LRRC37A2: variants seen among roughly 807,000 people sequenced by gnomAD.
LRRC37A2 encodes leucine-rich repeat-containing protein 37A2.
Under a neutral mutation model 68.8 loss-of-function variants are expected in LRRC37A2, and 9 were observed. That is an observed-to-expected ratio of 0.13 (90% confidence interval 0.08 to 0.23). LRRC37A2 has a LOEUF of 0.23. Among genes scored for constraint, LRRC37A2 ranks in the 10% least tolerant of loss-of-function variants. The pLI is 1.00. For synonymous variants in LRRC37A2, 63 were observed against 367.6 expected (o/e 0.17, Z 9.48); for missense variants, 168 against 950.4 (o/e 0.18, Z 10.82).
the LRRC37A2 span, among the ~76,000 whole-genome samples, chr17:46,485,996 A>AC: frequency 1.3e-5 from 1 of 79,288 alleles, no homozygotes; most frequent in African/African-American, 3.8e-5. Context: ...AAAAAAAAAA[A>AC]ACAGAAAACC....
chr17:46,841,049 G>A, the LRRC37A2 span, among the ~76,000 whole-genome samples: 840 of 152,288 alleles, frequency 5.5e-3, 13 homozygotes, highest in African/African-American at 0.019. Context: ...ACTTCCAACA[G>A]GAGGCAGAGG....
At chr17:46,896,356 A>AGAGAGAGAGAG in the LRRC37A2 span, among the ~76,000 whole-genome samples, 2 of 147,640 alleles carry the variant, frequency 1.4e-5, no homozygotes, top group East Asian at 1.9e-4. Flanking sequence ...AAAGAAAGAA[A>AGAGAGAGAGAG]AAGAAAGAAA....
the LRRC37A2 span, among the ~76,000 whole-genome samples, chr17:46,626,149 C>T: frequency 7.7e-6 from 1 of 129,864 alleles, no homozygotes; most frequent in Admixed American, 8.0e-5. Flanking sequence ...TTGTTTTAGC[C>T]TGTTGAGAGA....
chr17:46,851,800 C>T, the LRRC37A2 span: 3 of 704,570 alleles, frequency 4.3e-6, no homozygotes, highest in Non-Finnish European at 4.0e-6. This position sits in a 1 kb window ranked among gnomAD's most constrained non-coding sequence, Gnocchi z 4.3. Context: ...TTTTCCCTCC[C>T]GCTGTCCTTG....
chr17:46,550,649 G>A (rs2056686548), intron 11 of LRRC37A2, 130 bp downstream of exon 10: 1 of 681,098 alleles, frequency 1.5e-6, no homozygotes, highest in South Asian at 1.5e-5. Flanking sequence ...AGTCATTTAA[G>A]GCTGAGGTGT....
At chr17:46,982,757 C>T in the LRRC37A2 span, among the ~76,000 whole-genome samples, 1 of 152,158 alleles carries the variant, frequency 6.6e-6, no homozygotes, top group Admixed American at 6.5e-5. Flanking sequence ...AGACCTTGGG[C>T]TTGTGGATGT....
the LRRC37A2 span, among the ~76,000 whole-genome samples, chr17:46,851,376 T>A: frequency 7.1e-6 from 1 of 141,264 alleles, no homozygotes; most frequent in Non-Finnish European, 1.6e-5. This position sits in a 1 kb window ranked among gnomAD's most constrained non-coding sequence, Gnocchi z 4.3. Context: ...AGCGCTCACC[T>A]GGGGCCGGAG....
At chr17:46,909,318 G>A in the LRRC37A2 span, among the ~76,000 whole-genome samples, 2 of 152,140 alleles carry the variant, frequency 1.3e-5, no homozygotes, top group East Asian at 1.9e-4. Flanking sequence ...GGAGTGAGCC[G>A]CTGTGCCTGG....
the LRRC37A2 span, among the ~76,000 whole-genome samples, chr17:46,924,808 T>C: frequency 6.6e-6 from 1 of 152,244 alleles, no homozygotes; most frequent in Non-Finnish European, 1.5e-5. Context: ...ATTATGTTCA[T>C]GTTACTAAGA....
At chr17:46,437,456 AATT>A in the LRRC37A2 span, among the ~76,000 whole-genome samples, 1 of 96,636 alleles carries the variant, frequency 1.0e-5, no homozygotes, top group African/African-American at 3.9e-5. Context: ...AGGCATTGAA[AATT>A]ATTATGGGTA....
At chr17:46,823,757 A>G in the LRRC37A2 span, among the ~76,000 whole-genome samples, 1 of 151,868 alleles carries the variant, frequency 6.6e-6, no homozygotes, top group East Asian at 1.9e-4. Context: ...AGCATTTTGG[A>G]AAGCGATTTG....
chr17:46,974,877 G>A, the LRRC37A2 span, among the ~76,000 whole-genome samples: 1 of 152,164 alleles, frequency 6.6e-6, no homozygotes, highest in Non-Finnish European at 1.5e-5. Flanking sequence ...CCTTCTTCGA[G>A]GGAGTGGAAG....
chr17:46,705,401 C>T, the LRRC37A2 span, among the ~76,000 whole-genome samples: 2 of 151,968 alleles, frequency 1.3e-5, no homozygotes, highest in Non-Finnish European at 2.9e-5. Context: ...AAAACGCACT[C>T]AAAATGGTCA....
chr17:46,848,299 G>C, the LRRC37A2 span, among the ~76,000 whole-genome samples: 1 of 152,170 alleles, frequency 6.6e-6, no homozygotes, highest in African/African-American at 2.4e-5. Context: ...GTGTTTGTAT[G>C]ATACTTTACA....
chr17:46,752,014 C>T, the LRRC37A2 span, among the ~76,000 whole-genome samples: 1 of 152,286 alleles, frequency 6.6e-6, no homozygotes, highest in East Asian at 1.9e-4. Context: ...TGTTGCACCT[C>T]AAGTCAGTAA....
the LRRC37A2 span, among the ~76,000 whole-genome samples, chr17:46,478,593 A>T: frequency 9.1e-6 from 1 of 109,590 alleles, no homozygotes; most frequent in Non-Finnish European, 2.1e-5. Flanking sequence ...TGCATGCTAG[A>T]CCCTGTGCTA....
chr17:46,829,902 C>A, the LRRC37A2 span, among the ~76,000 whole-genome samples: 6 of 152,050 alleles, frequency 3.9e-5, no homozygotes, highest in African/African-American at 1.4e-4. Context: ...CTCTCTGTGG[C>A]CGTTTCTTAT....
chr17:47,028,361 G>A, the LRRC37A2 span: 2 of 1,480,438 alleles, frequency 1.4e-6, no homozygotes, highest in African/African-American at 1.4e-5. Context: ...TACATAAGTT[G>A]TAAGTGAAAT....
the LRRC37A2 span, among the ~76,000 whole-genome samples, chr17:46,863,839 G>T: frequency 1.3e-5 from 2 of 152,114 alleles, no homozygotes; most frequent in South Asian, 4.1e-4. Flanking sequence ...ATTCCCAAGG[G>T]AGCCGCTCAC....
Sources: allele counts gnomAD v4.1 joint callset (sites outside exome capture counted in the v4.1 genomes callset), GRCh38; gene constraint gnomAD v4.1.1; non-coding constraint Gnocchi (gnomAD v3.1); transcripts MANE v1.5; gene names NCBI Gene and HGNC (gene_info 2026-07-23, HGNC 2026-07-21).